DIAPH2: variants seen among roughly 807,000 people sequenced by gnomAD.
DIAPH2 encodes the protein diaphanous related formin 2.
A neutral mutation model predicts 92.7 loss-of-function variants in DIAPH2; 35 were observed. That is an observed-to-expected ratio of 0.38 (90% CI 0.29 to 0.50). The LOEUF is 0.50. Ranked by LOEUF, DIAPH2 falls within the 20% of genes least tolerant of loss-of-function variation. The probability of loss-of-function intolerance (pLI) is 0.94; values close to 1 mark genes in which losing one functional copy is unlikely to be tolerated. For synonymous variants in DIAPH2, 301 were observed against 280.4 expected (o/e 1.07, Z -0.73); for missense variants, 701 against 819.5 (o/e 0.86, Z 1.77).
At chrX:97,124,640 C>G (rs2067079170) in intron 21 of DIAPH2, among the ~76,000 whole-genome samples, 1 of 111,547 alleles carries the variant, frequency 9.0e-6, no homozygotes, top group Non-Finnish European at 1.9e-5. Flanking sequence ...GGATTTTTTT[C>G]TATTATTCTT....
chrX:97,246,158 C>G (rs993145348), intron 22 of DIAPH2, among the ~76,000 whole-genome samples: 2 of 109,137 alleles, frequency 1.8e-5, no homozygotes, highest in Admixed American at 9.9e-5. Flanking sequence ...AGGTAATCCG[C>G]CCACCTCAGC....
intron 25 of DIAPH2, among the ~76,000 whole-genome samples, chrX:97,427,034 C>T (rs1216113989): frequency 3.7e-5 from 4 of 108,161 alleles, no homozygotes; most frequent in African/African-American, 1.3e-4. Flanking sequence ...AAAAATTAGC[C>T]GGGCATGGTG....
intron 21 of DIAPH2, among the ~76,000 whole-genome samples, chrX:97,135,061 A>G (rs2067161031): frequency 8.9e-6 from 1 of 111,919 alleles, no homozygotes; most frequent in Non-Finnish European, 1.9e-5. Flanking sequence ...TATAGTCCTC[A>G]TTTTTAAGCA....
intron 26 of DIAPH2, among the ~76,000 whole-genome samples, chrX:97,524,766 A>G (rs377027200): frequency 2.5e-4 from 28 of 112,047 alleles, no homozygotes; most frequent in Non-Finnish European, 5.1e-4. Flanking sequence ...CTTGTACATT[A>G]AATGCTTTTG....
At chrX:97,196,711 G>A (rs746469148) in intron 22 of DIAPH2, among the ~76,000 whole-genome samples, 1 of 110,983 alleles carries the variant, frequency 9.0e-6, no homozygotes, top group African/African-American at 3.3e-5. Flanking sequence ...TATTGAGAGT[G>A]TATATTTGCA....
rs1438910609 is a variant in DIAPH2 at position 97,067,275 on chromosome X, T to C, written c.2051-5666T>C. On this transcript the variant is annotated intron_variant, in intron 17 of 26. Transcript: ENST00000324765. Reference sequence around the variant, plus strand: ...CATTTTTAATTATTCTTTTCCATATTGTTTGTAATTCCTGTCTACACTTGG... The same window carrying C: ...CATTTTTAATTATTCTTTTCCATATCGTTTGTAATTCCTGTCTACACTTGG... 3.6e-5 allele frequency among the ~76,000 whole-genome samples: 4 copies of C among 112,374 alleles called. No individual in the cohort carries two copies. In the East Asian group the frequency reaches 1.1e-3, roughly 31 times the overall value.
At chrX:96,988,283 A>G (rs2066045833) in intron 17 of DIAPH2, among the ~76,000 whole-genome samples, 1 of 110,747 alleles carries the variant, frequency 9.0e-6, no homozygotes, top group South Asian at 3.9e-4. Context: ...AAAATACAGT[A>G]ATATGATGGG....
At chrX:97,144,156 C>T (rs2067226952) in intron 22 of DIAPH2, among the ~76,000 whole-genome samples, 1 of 110,813 alleles carries the variant, frequency 9.0e-6, no homozygotes, top group South Asian at 3.9e-4. Context: ...TTGAGACCAG[C>T]CTGGGCAGCA....
At chrX:96,953,512 A>C (rs946249890) in intron 15 of DIAPH2, 1 of 112,331 alleles carries the variant, frequency 8.9e-6, no homozygotes, top group Non-Finnish European at 1.9e-5. Flanking sequence ...ACCAACATTG[A>C]GAAACAGAGT....
At chrX:97,446,993 G>A (rs1602595638) in intron 26 of DIAPH2, among the ~76,000 whole-genome samples, 1 of 110,746 alleles carries the variant, frequency 9.0e-6, no homozygotes. Context: ...TCATCACAGA[G>A]TATCTCTTCC....
At position 96,774,421 on chromosome X, in the gene DIAPH2, C is replaced by A. The variant is rs1307900977; in HGVS notation, c.447+16163C>A. Among the ~76,000 whole-genome samples the A allele has an allele frequency of 2.7e-5, 3 of 111,910 alleles. No individual in the cohort carries two copies. In the East Asian group the frequency reaches 8.4e-4, roughly 31 times the overall value. Reference sequence around the variant, plus strand: ...GTCATACCTACAACACAGAGAGAACCTTGCCCATGGAAAAGCTGCTACATT... The same window carrying A: ...GTCATACCTACAACACAGAGAGAACATTGCCCATGGAAAAGCTGCTACATT... On this transcript the variant is annotated intron_variant, in intron 4 of 26. Coordinates refer to ENST00000324765, the MANE Select transcript of DIAPH2 (RefSeq NM_006729.5).
rs1356800781 is a variant in DIAPH2 at position 96,930,834 on chromosome X, A to T, written c.1080A>T (p.Thr360=). 8.5e-7 allele frequency: 1 copy of T among 1,182,198 alleles called. No homozygotes were observed. The highest frequency in any genetic ancestry group is 1.1e-6 in the Non-Finnish European group (1 of 883,855). ...RNEFLRSGLK[T]MLPDLKEKEN... ...AATTCCTCCGTTCAGGACTAAAAAC[A>T]ATGTTACCAGTAAGTTGAATGTATA... The change falls in exon 10 of 27, where the codon ACA becomes ACT. Residue 360 remains threonine (T), a synonymous_variant. Coordinates refer to ENST00000324765, the MANE Select transcript of DIAPH2 (RefSeq NM_006729.5).
chrX:96,769,017 A>G (rs188452255), intron 4 of DIAPH2, among the ~76,000 whole-genome samples: 14 of 111,204 alleles, frequency 1.3e-4, no homozygotes, highest in Middle Eastern at 4.6e-3. Flanking sequence ...GAGAGGTTAG[A>G]CATAAGGGCA....
At chrX:96,906,909 C>T (rs959889879) in intron 5 of DIAPH2, among the ~76,000 whole-genome samples, 3 of 111,844 alleles carry the variant, frequency 2.7e-5, no homozygotes, top group Non-Finnish European at 3.8e-5. Context: ...TATAAGCTTC[C>T]TGGCTTCCTT....
At position 97,352,361 on chromosome X, in the gene DIAPH2, A is replaced by G. The variant is rs189881710; in HGVS notation, c.3009+4081A>G. 1.3e-3 allele frequency among the ~76,000 whole-genome samples: 150 copies of G among 111,243 alleles called. 2 individuals carry two copies. The highest frequency in any genetic ancestry group is 2.4e-3 in the Non-Finnish European group (126 of 52,708). ...GATTAAGATCTTTTTGAAAGTAAAC[A>G]ATTCAAATGAATGAAAGCAGAATTG... On this transcript the variant is annotated intron_variant, in intron 24 of 26. Transcript: ENST00000324765.
chrX:97,570,808 T>C (rs762371526), intron 26 of DIAPH2, among the ~76,000 whole-genome samples: 1 of 111,716 alleles, frequency 9.0e-6, no homozygotes, highest in East Asian at 2.8e-4. Flanking sequence ...GATACAGACA[T>C]TGCCATTGCT....
chrX:97,378,819 G>T (rs1459580647), intron 24 of DIAPH2, among the ~76,000 whole-genome samples: 2 of 111,735 alleles, frequency 1.8e-5, no homozygotes, highest in African/African-American at 6.5e-5. Flanking sequence ...TACACACCAC[G>T]TTTCTTTATA....
intron 26 of DIAPH2, among the ~76,000 whole-genome samples, chrX:97,471,859 C>T (rs1431721029): frequency 9.0e-6 from 1 of 110,660 alleles, no homozygotes; most frequent in East Asian, 2.8e-4. Flanking sequence ...CCCAGGTTTA[C>T]AGGGGAAGAA....
At chrX:97,086,455 A>G (rs1186297076) in intron 19 of DIAPH2, among the ~76,000 whole-genome samples, 8 of 111,945 alleles carry the variant, frequency 7.1e-5, no homozygotes. Flanking sequence ...GGAATAGTTC[A>G]GGAAATTTAT....
Sources: allele counts gnomAD v4.1 joint callset (sites outside exome capture counted in the v4.1 genomes callset), GRCh38; gene constraint gnomAD v4.1.1; transcripts MANE v1.5; gene names NCBI Gene and HGNC (gene_info 2026-07-23, HGNC 2026-07-21).